The following PTPRD variants were observed in gnomAD, a reference collection of about 807,000 sequenced individuals.
PTPRD encodes the protein protein tyrosine phosphatase receptor type D.
In PTPRD, 34 loss-of-function variants were observed where a neutral mutation model predicts 214.5. The ratio of observed to expected loss-of-function variants is 0.16; its 90% CI spans 0.12 to 0.21. The LOEUF (loss-of-function observed/expected upper bound fraction) is 0.21, where lower values mean the gene tolerates loss of function less well. Ranked by LOEUF, PTPRD falls within the 10% of genes least tolerant of loss-of-function variation. PTPRD has a pLI of 1.00. For missense variants in PTPRD, 2,545 were observed against 2,398.7 expected (o/e 1.06, Z -1.27); for synonymous variants, 1,128 against 845.7 (o/e 1.33, Z -5.79).
At chr9:8,848,136 T>G (rs936339629) in intron 11 of PTPRD, among the ~76,000 whole-genome samples, 1 of 151,862 alleles carries the variant, frequency 6.6e-6, no homozygotes, top group Non-Finnish European at 1.5e-5. Context: ...ACTGGCAGAA[T>G]AGGATAAAAT....
At chr9:8,458,581 T>C (rs1007907750) in intron 33 of PTPRD, among the ~76,000 whole-genome samples, 1 of 152,124 alleles carries the variant, frequency 6.6e-6, no homozygotes, top group Non-Finnish European at 1.5e-5. Flanking sequence ...ATACCACTGC[T>C]TTTTATTATT....
At chr9:9,814,795 CT>C (rs34270280) in intron 5 of PTPRD, among the ~76,000 whole-genome samples, 16,216 of 106,294 alleles carry the variant, frequency 0.15, 902 homozygotes, top group Non-Finnish European at 0.18. Context: ...ACCAAAGTGA[CT>C]TTTTTTTTTT....
intron 11 of PTPRD, among the ~76,000 whole-genome samples, chr9:8,983,836 T>G (rs2154342132): frequency 6.6e-6 from 1 of 152,136 alleles, no homozygotes. Context: ...CTTAATCTCA[T>G]CTTTACTATA....
chr9:8,493,315 A>T (rs1348566202), intron 26 of PTPRD, among the ~76,000 whole-genome samples: 1 of 152,196 alleles, frequency 6.6e-6, no homozygotes, highest in Non-Finnish European at 1.5e-5. Flanking sequence ...TCCATTTCCC[A>T]TCTGAATGTT....
chr9:9,713,112 TTG>T (rs1417905498), intron 7 of PTPRD, among the ~76,000 whole-genome samples: 1 of 146,646 alleles, frequency 6.8e-6, no homozygotes, highest in Non-Finnish European at 1.5e-5. Flanking sequence ...AAATGGCCTA[TTG>T]CACTGATATC....
At chr9:9,308,875 G>A (rs1957977395) in intron 9 of PTPRD, among the ~76,000 whole-genome samples, 1 of 151,952 alleles carries the variant, frequency 6.6e-6, no homozygotes. Context: ...AAGCATTAGA[G>A]ACCCAAAATA....
At chr9:9,418,325 C>G (rs2077594838) in intron 8 of PTPRD, among the ~76,000 whole-genome samples, 1 of 152,022 alleles carries the variant, frequency 6.6e-6, no homozygotes, top group South Asian at 2.1e-4. Flanking sequence ...TAAAATGAAT[C>G]TAGCCCAGAG....
chr9:10,532,510 C>A (rs2134763720), intron 2 of PTPRD: 1 of 149,848 alleles, frequency 6.7e-6, no homozygotes, highest in South Asian at 2.1e-4. Context: ...TGAACAGTGT[C>A]TGTGCACCTT....
Position 9,716,743 on chromosome 9 carries a change from G to A in PTPRD, c.-287+17790C>T, listed in dbSNP as rs547463894. ...TTGTTTGAGTTCCTTGTAGATTCTGGATATTAGCCCTTTGTCAGATGAGTA... is the reference window on the plus strand; with the variant it reads ...TTGTTTGAGTTCCTTGTAGATTCTGAATATTAGCCCTTTGTCAGATGAGTA... On this transcript the variant is annotated intron_variant, in intron 7 of 45. Coordinates refer to ENST00000381196, the MANE Select transcript of PTPRD (RefSeq NM_002839.4). Among the ~76,000 whole-genome samples, 1,195 of 152,196 alleles carry A rather than the reference G, an allele frequency of 7.9e-3. 12 individuals carry two copies. The highest frequency in any genetic ancestry group is 0.026 in the African/African-American group (1,085 of 41,516).
intron 10 of PTPRD, among the ~76,000 whole-genome samples, chr9:9,180,562 C>T (rs571619523): frequency 3.3e-5 from 5 of 151,718 alleles, no homozygotes; most frequent in South Asian, 4.2e-4. Context: ...CAAACCTGCA[C>T]GTTGTGCACA....
intron 7 of PTPRD, among the ~76,000 whole-genome samples, chr9:9,703,098 G>T (rs372514487): frequency 6.6e-6 from 1 of 152,096 alleles, no homozygotes; most frequent in Non-Finnish European, 1.5e-5. Flanking sequence ...GGATGGTGGG[G>T]GCAGTTCCCC....
chr9:8,315,243 G>C lies in PTPRD; in HGVS notation c.*2631C>G, dbSNP rs771231076. 2 of 232,536 alleles carry C rather than the reference G, an allele frequency of 8.6e-6. No individual in the cohort carries two copies. The highest frequency in any genetic ancestry group is 1.2e-4 in the East Asian group (2 of 16,556). The allele number at this position is 232,536 out of a possible 1,614,324, so 14.4% of individuals were successfully genotyped here. A position where few individuals can be genotyped will look rare whatever the true frequency, so the allele number is the denominator to read the frequency against. On this transcript the variant is annotated 3_prime_UTR_variant, in exon 46 of 46. Coordinates refer to ENST00000381196, the MANE Select transcript of PTPRD (RefSeq NM_002839.4). ...ACAGCTCCTGAACAGTAAGATTCCCGCAATAGTCTCCGCCTCGTTCGTCTA... is the reference window on the plus strand; with the variant it reads ...ACAGCTCCTGAACAGTAAGATTCCCCCAATAGTCTCCGCCTCGTTCGTCTA...
At chr9:9,756,829 G>C (rs1373862349) in intron 6 of PTPRD, among the ~76,000 whole-genome samples, 1 of 152,136 alleles carries the variant, frequency 6.6e-6, no homozygotes, top group Non-Finnish European at 1.5e-5. Context: ...CTCCCATGTG[G>C]TTAAGCTAGC....
intron 11 of PTPRD, among the ~76,000 whole-genome samples, chr9:8,850,074 C>T (rs1275078339): frequency 6.6e-6 from 1 of 151,970 alleles, no homozygotes; most frequent in South Asian, 2.1e-4. Context: ...GGTTTCTGAT[C>T]AAGGGATAAC....
chr9:10,267,216 C>CA (rs1265352982), intron 3 of PTPRD, among the ~76,000 whole-genome samples: 2 of 138,552 alleles, frequency 1.4e-5, no homozygotes, highest in African/African-American at 2.7e-5. Flanking sequence ...AAGGAAAAAA[C>CA]AAAAAAGTAG....
intron 3 of PTPRD, among the ~76,000 whole-genome samples, chr9:10,130,759 A>G (rs1447548201): frequency 1.3e-5 from 2 of 152,174 alleles, no homozygotes; most frequent in Non-Finnish European, 2.9e-5. Flanking sequence ...AAACTGAAAA[A>G]AAATAAGCTG....
intron 14 of PTPRD, among the ~76,000 whole-genome samples, chr9:8,564,449 A>G (rs1006441571): frequency 1.3e-5 from 2 of 152,090 alleles, no homozygotes; most frequent in Non-Finnish European, 2.9e-5. Context: ...ATATAATCTC[A>G]GCACTTTGAG....
intron 7 of PTPRD, among the ~76,000 whole-genome samples, chr9:9,717,152 G>C (rs1268555312): frequency 1.3e-5 from 2 of 152,060 alleles, no homozygotes; most frequent in African/African-American, 4.8e-5. Flanking sequence ...TCAAAGATCA[G>C]ATAGTTGTAG....
At position 9,155,115 on chromosome 9, in the gene PTPRD, A is replaced by G. The variant is rs1203031788; in HGVS notation, c.-143+28189T>C. ...CAATATCAGTTTCTTATGTAGTACGAAATGACGATTGCCTTAGTATATAGG... is the reference window on the plus strand; with the variant it reads ...CAATATCAGTTTCTTATGTAGTACGGAATGACGATTGCCTTAGTATATAGG... On this transcript the variant is annotated intron_variant, in intron 10 of 45. Coordinates refer to ENST00000381196, the MANE Select transcript of PTPRD (RefSeq NM_002839.4). 2.0e-5 allele frequency among the ~76,000 whole-genome samples: 3 copies of G among 152,188 alleles called. No individual in the cohort carries two copies. The East Asian group carries it at 5.8e-4, about 29-fold the overall frequency.
Sources: allele counts gnomAD v4.1 joint callset (sites outside exome capture counted in the v4.1 genomes callset), GRCh38; gene constraint gnomAD v4.1.1; transcripts MANE v1.5; gene names NCBI Gene and HGNC (gene_info 2026-07-23, HGNC 2026-07-21).